The following HSD17B2 variants were observed in gnomAD, a reference collection of about 807,000 sequenced individuals.
HSD17B2 encodes 17-beta-hydroxysteroid dehydrogenase type 2.
HSD17B2 carries 32 observed loss-of-function variants against 26.9 expected under a neutral mutation model. That is an observed-to-expected ratio of 1.19 (90% CI 0.90 to 1.60). The LOEUF is 1.60. Ranked by LOEUF, HSD17B2 falls within the 40% of genes most tolerant of loss-of-function variation. HSD17B2 has a pLI of 0.00. For synonymous variants in HSD17B2, 246 were observed against 186.7 expected (o/e 1.32, Z -2.59); for missense variants, 613 against 468.6 (o/e 1.31, Z -2.85).
At chr16:82,075,448 CTT>C (rs1904295787) in intron 3 of HSD17B2, among the ~76,000 whole-genome samples, 1 of 151,916 alleles carries the variant, frequency 6.6e-6, no homozygotes, top group African/African-American at 2.4e-5. Flanking sequence ...AATTGACAAA[CTT>C]TTAATGAGAC....
chr16:82,071,105 G>A lies in HSD17B2; in HGVS notation c.642G>A (p.Leu214=). ...LPLLRKSKGR[L]VNVSSMGGGA... is the part of the protein sequence containing the mutation. ...TTCTTAGAAAATCCAAAGGGAGGCTGGTGAATGTCAGCAGCATGGGAGGTG... is the reference window on the plus strand; with the variant it reads ...TTCTTAGAAAATCCAAAGGGAGGCTAGTGAATGTCAGCAGCATGGGAGGTG... The change falls in exon 3 of 5, where the codon CTG becomes CTA. Residue 214 remains leucine (L), a synonymous_variant. Coordinates refer to ENST00000199936, the MANE Select transcript of HSD17B2 (RefSeq NM_002153.3). 1 of 1,614,172 alleles carries A rather than the reference G, an allele frequency of 6.2e-7. No individual in the cohort carries two copies. The highest frequency in any genetic ancestry group is 1.1e-5 in the South Asian group (1 of 91,086).
chr16:82,079,715 G>C (rs1904331830), intron 3 of HSD17B2, among the ~76,000 whole-genome samples: 1 of 152,070 alleles, frequency 6.6e-6, no homozygotes, highest in Non-Finnish European at 1.5e-5. Flanking sequence ...TGAAACAATA[G>C]AAAAGATTTT....
intron 1 of HSD17B2, among the ~76,000 whole-genome samples, chr16:82,053,880 A>C (rs148937232): frequency 1.1e-4 from 17 of 152,354 alleles, no homozygotes; most frequent in African/African-American, 4.1e-4. Context: ...TCTAACATAG[A>C]ATGCATAACC....
At chr16:82,051,356 G>C (rs1914100619) in intron 1 of HSD17B2, among the ~76,000 whole-genome samples, 1 of 152,240 alleles carries the variant, frequency 6.6e-6, no homozygotes, top group Admixed American at 6.5e-5. Flanking sequence ...GGGTTAGAGA[G>C]ATTATCTAGC....
rs559411551 is a variant in HSD17B2, at chr16:82,045,485, C to T, written c.265+9796C>T. The stretch of plus-strand genomic sequence containing the variant: ...TGTGAATATATATTGCTGCCTGATA[C>T]GTAGTAGCTGCTTTATAAAATATAA... On this transcript the variant is annotated intron_variant, in intron 1 of 4. Coordinates refer to ENST00000199936, the MANE Select transcript of HSD17B2 (RefSeq NM_002153.3). Among the ~76,000 whole-genome samples the T allele has an allele frequency of 3.9e-5, 6 of 152,248 alleles. No individual in the cohort carries two copies. The South Asian group carries it at 8.3e-4, about 21-fold the overall frequency.
At chr16:82,049,689 G>T (rs909452471) in intron 1 of HSD17B2, among the ~76,000 whole-genome samples, 2 of 152,218 alleles carry the variant, frequency 1.3e-5, no homozygotes, top group African/African-American at 4.8e-5. Flanking sequence ...TGGAACAAAA[G>T]GTCTGGAACT....
intron 3 of HSD17B2, among the ~76,000 whole-genome samples, chr16:82,089,854 G>T (rs2142365801): frequency 6.6e-6 from 1 of 152,154 alleles, no homozygotes; most frequent in South Asian, 2.1e-4. Flanking sequence ...ATCCAGGATG[G>T]CCTTTCCTAG....
At chr16:82,066,783 T>C (rs1435588403) in intron 1 of HSD17B2, among the ~76,000 whole-genome samples, 9 of 152,248 alleles carry the variant, frequency 5.9e-5, no homozygotes, top group Non-Finnish European at 1.3e-4. Context: ...CAAAGCATCT[T>C]GGAGCAATAG....
chr16:82,063,244 G>A (rs1223337436), intron 1 of HSD17B2: 1 of 152,168 alleles, frequency 6.6e-6, no homozygotes, highest in East Asian at 1.9e-4. Flanking sequence ...AATATTGTGA[G>A]TGGAAACATC....
chr16:82,055,921 G>C (rs7186963), intron 1 of HSD17B2, among the ~76,000 whole-genome samples: 2,780 of 152,308 alleles, frequency 0.018, 64 homozygotes, highest in South Asian at 0.07. Flanking sequence ...TGATTGAACA[G>C]TGTCCATGGT....
intron 1 of HSD17B2, among the ~76,000 whole-genome samples, chr16:82,061,574 T>G (rs1441868960): frequency 6.6e-6 from 1 of 152,170 alleles, no homozygotes; most frequent in African/African-American, 2.4e-5. Context: ...TAATGAAAAA[T>G]TATGGCTTTG....
chr16:82,058,215 C>T (rs540185134), intron 1 of HSD17B2, among the ~76,000 whole-genome samples: 3 of 151,784 alleles, frequency 2.0e-5, no homozygotes, highest in Non-Finnish European at 1.5e-5. Flanking sequence ...GGGCCAGGGG[C>T]GTATGCCAGC....
intron 1 of HSD17B2, among the ~76,000 whole-genome samples, chr16:82,036,469 C>T (rs931107240): frequency 5.3e-5 from 8 of 151,470 alleles, no homozygotes; most frequent in Non-Finnish European, 8.8e-5. Flanking sequence ...GATTATCCAG[C>T]GTTATCCTAA....
intron 4 of HSD17B2, chr16:82,091,241 C>T (rs183164567): frequency 4.6e-5 from 29 of 636,448 alleles, no homozygotes; most frequent in South Asian, 8.9e-5. Flanking sequence ...CTGATTTGTG[C>T]GAAGGTGTTT....
chr16:82,090,302 GTTTTTTTTTTTTTTTT>G lies in HSD17B2; in HGVS notation c.665-581_665-566del, dbSNP rs35272646. On this transcript the variant is annotated intron_variant, in intron 3 of 4. Transcript: ENST00000199936. ...CTCTTCATCTTACCTAAACTACATT[GTTTTTTTTTTTTTTTT>G]TTTTTTTTTTTTTTTTTTGAGACGG... 92 of 40,092 alleles carry G rather than the reference GTTTTTTTTTTTTTTTT, an allele frequency of 2.3e-3. 1 individual carries two copies. Among genetic ancestry groups the G allele is most frequent in the South Asian group, 4.9e-3 (4 of 816 alleles). 2.5% of individuals were successfully genotyped at this position (40,092 alleles called of 1,614,324 possible).
intron 1 of HSD17B2, chr16:82,052,399 T>C (rs895385233): frequency 6.6e-6 from 1 of 152,254 alleles, no homozygotes; most frequent in African/African-American, 2.4e-5. Context: ...TGGGCAGCTG[T>C]TCCTCCTTGG....
At chr16:82,097,268 A>G (rs368619867) in intron 4 of HSD17B2, 1,633 of 115,120 alleles carry the variant, frequency 0.014, 7 homozygotes, top group Non-Finnish European at 0.019. Flanking sequence ...GTCTATGTCT[A>G]TGTGTGTGTA....
chr16:82,084,084 TTG>T (rs751665804), intron 3 of HSD17B2, among the ~76,000 whole-genome samples: 7 of 152,202 alleles, frequency 4.6e-5, no homozygotes, highest in Non-Finnish European at 1.0e-4. Context: ...CTCAGAGATT[TTG>T]TGTCATTGTG....
At chr16:82,039,047 C>A (rs1913696392) in intron 1 of HSD17B2, among the ~76,000 whole-genome samples, 1 of 152,102 alleles carries the variant, frequency 6.6e-6, no homozygotes, top group Non-Finnish European at 1.5e-5. Context: ...GGTTCTGGTC[C>A]TTTGGGGAAA....
Sources: allele counts gnomAD v4.1 joint callset (sites outside exome capture counted in the v4.1 genomes callset), GRCh38; gene constraint gnomAD v4.1.1; transcripts MANE v1.5; gene names NCBI Gene and HGNC (gene_info 2026-07-23, HGNC 2026-07-21).